The following NFIB variants were observed in gnomAD, a reference collection of about 807,000 sequenced individuals.
NFIB encodes the protein nuclear factor 1 B-type.
In NFIB, 11 loss-of-function variants were observed where a neutral mutation model predicts 61.5. That is an observed-to-expected ratio of 0.18 (90% CI 0.11 to 0.30). The LOEUF (loss-of-function observed/expected upper bound fraction) is 0.30. NFIB is among the 10% of genes least tolerant of loss of function. The pLI is 1.00. For missense variants in NFIB, 471 were observed against 608.9 expected (o/e 0.77, Z 2.38); for synonymous variants, 260 against 216.5 (o/e 1.20, Z -1.76).
In NFIB at chr9:14,307,110, A is replaced by T; in HGVS notation, c.441T>A (p.Asp147Glu). 1 of 1,614,158 alleles carries T rather than the reference A, an allele frequency of 6.2e-7. No individual in the cohort carries two copies. Among genetic ancestry groups the T allele is most frequent in the Non-Finnish European group, 8.5e-7 (1 of 1,180,024 alleles). Residue 147 changes from aspartate to glutamate, a missense_variant, in exon 2 of 11, where the codon GAT becomes GAA. By Grantham distance (45) the Asp-to-Glu change is conservative (BLOSUM62 2). Around this residue, in one of 2 missense-constraint regions of NFIB, gnomAD observed 99 missense variants for 213.3 expected, o/e 0.46. Coordinates refer to ENST00000380953, the MANE Select transcript of NFIB (RefSeq NM_001190737.2). The surrounding 1 kb of genome is among the most constrained non-coding windows in gnomAD (Gnocchi z 5.3). ...LFKGIPLEST[D>E]GERLMKSPHC... ...GTGGGGATTTCATGAGCCGCTCTCC[A>T]TCGGTACTTTCCAAGGGGATGCCTT...
Position 14,244,467 on chromosome 9 carries a change from A to G in NFIB, c.562+62522T>C, listed in dbSNP as rs376288886. On this transcript the variant is annotated intron_variant, in intron 2 of 10. Coordinates refer to ENST00000380953, the MANE Select transcript of NFIB (RefSeq NM_001190737.2). ...ACCCACATACTTTCTCATCCATGTA[A>G]GCAGGAAAGAATTACATTTCTTCTG... Among the ~76,000 whole-genome samples the G allele has an allele frequency of 1.4e-3, 216 of 152,306 alleles. 1 individual carries two copies. The highest frequency in any genetic ancestry group is 7.4e-4 in the Non-Finnish European group (50 of 68,026).
At chr9:14,170,871 C>A (rs922290235) in intron 3 of NFIB, among the ~76,000 whole-genome samples, 1 of 152,096 alleles carries the variant, frequency 6.6e-6, no homozygotes, top group South Asian at 2.1e-4. Context: ...TCTGTGCAAG[C>A]CCTCTTGGAA....
At chr9:14,148,529 T>C (rs2042533561) in intron 5 of NFIB, among the ~76,000 whole-genome samples, 1 of 152,220 alleles carries the variant, frequency 6.6e-6, no homozygotes, top group African/African-American at 2.4e-5. Flanking sequence ...GTTATAGGAT[T>C]TCAGCATTGA....
intron 2 of NFIB, among the ~76,000 whole-genome samples, chr9:14,235,519 A>G (rs1220013968): frequency 1.3e-5 from 2 of 152,210 alleles, no homozygotes; most frequent in Non-Finnish European, 2.9e-5. Context: ...TTCATGGGCT[A>G]TCATCTTGGT....
At chr9:14,268,875 T>G (rs567750146) in intron 2 of NFIB, among the ~76,000 whole-genome samples, 19 of 152,262 alleles carry the variant, frequency 1.2e-4, no homozygotes, top group African/African-American at 4.3e-4. Context: ...TTAGAAGTAC[T>G]AAAGAGATAT....
At chr9:14,372,955 T>A (rs1294063436) in intron 1 of NFIB, among the ~76,000 whole-genome samples, 1 of 148,562 alleles carries the variant, frequency 6.7e-6, no homozygotes. Flanking sequence ...AGCTTAGATA[T>A]GAGCAAGCAT....
At chr9:14,496,483 G>A in the NFIB span, among the ~76,000 whole-genome samples, 2 of 152,286 alleles carry the variant, frequency 1.3e-5, no homozygotes, top group East Asian at 1.9e-4. Context: ...GATGTTCAAC[G>A]TGTATTTAAT....
the NFIB span, among the ~76,000 whole-genome samples, chr9:14,517,419 G>A: frequency 6.6e-6 from 1 of 152,290 alleles, no homozygotes; most frequent in South Asian, 2.1e-4. Flanking sequence ...TGACACAGAT[G>A]GAATGCTGCT....
the NFIB span, among the ~76,000 whole-genome samples, chr9:14,427,947 T>G: frequency 2.0e-5 from 2 of 101,622 alleles, no homozygotes; most frequent in African/African-American, 7.9e-5. Context: ...GTTTTTTTTT[T>G]TTTTTTTTTT....
At chr9:14,134,897 CAAAAAAAAAAA>C (rs57014530) in intron 6 of NFIB, among the ~76,000 whole-genome samples, 3 of 64,344 alleles carry the variant, frequency 4.7e-5, no homozygotes, top group African/African-American at 9.3e-5. Context: ...GACTCTGTCT[CAAAAAAAAAAA>C]AAAAAAAAAA....
chr9:14,163,202 A>C (rs1162950209), intron 3 of NFIB, among the ~76,000 whole-genome samples: 2 of 152,086 alleles, frequency 1.3e-5, no homozygotes, highest in Non-Finnish European at 2.9e-5. Context: ...GAGAAAAGAA[A>C]ACACAATAAA....
At chr9:14,406,651 C>A in the NFIB span, among the ~76,000 whole-genome samples, 2 of 152,126 alleles carry the variant, frequency 1.3e-5, no homozygotes, top group African/African-American at 2.4e-5. Flanking sequence ...TCTCTCATAG[C>A]TAGGTGTGGT....
chr9:14,190,234 T>G (rs1200702570), intron 2 of NFIB, among the ~76,000 whole-genome samples: 1 of 152,196 alleles, frequency 6.6e-6, no homozygotes, highest in Non-Finnish European at 1.5e-5. Context: ...TATTAAATTA[T>G]GGCTCTTAAG....
At chr9:14,274,223 C>T (rs962075572) in intron 2 of NFIB, among the ~76,000 whole-genome samples, 1 of 135,602 alleles carries the variant, frequency 7.4e-6, no homozygotes, top group Non-Finnish European at 1.6e-5. Context: ...TGCTCTACCC[C>T]CTTTCTCTCT....
chr9:14,315,298 C>G (rs1372728165), upstream of NFIB, among the ~76,000 whole-genome samples: 2 of 151,244 alleles, frequency 1.3e-5, no homozygotes, highest in African/African-American at 4.8e-5. Context: ...GTTTGCCGCC[C>G]TCCCCGGGGG....
chr9:14,237,948 A>T (rs554027637), intron 2 of NFIB, among the ~76,000 whole-genome samples: 2 of 150,710 alleles, frequency 1.3e-5, no homozygotes, highest in Non-Finnish European at 3.0e-5. Context: ...CCTAACCCAC[A>T]TGAGGCTTAC....
At chr9:14,453,244 T>C in the NFIB span, among the ~76,000 whole-genome samples, 1 of 152,232 alleles carries the variant, frequency 6.6e-6, no homozygotes, top group Non-Finnish European at 1.5e-5. Context: ...GTGTGTAATG[T>C]ATAACAAACA....
At chr9:14,365,496 C>T (rs543898885) in intron 1 of NFIB, among the ~76,000 whole-genome samples, 2 of 152,196 alleles carry the variant, frequency 1.3e-5, no homozygotes, top group Non-Finnish European at 2.9e-5. Context: ...GTTTTCCCTG[C>T]CCTGTGGGAT....
At chr9:14,185,832 C>T (rs954718675) in intron 2 of NFIB, among the ~76,000 whole-genome samples, 1 of 152,186 alleles carries the variant, frequency 6.6e-6, no homozygotes, top group African/African-American at 2.4e-5. Flanking sequence ...TACTTCCCAA[C>T]TTCCTGAAGA....
Sources: gnomAD v4.1 joint callset for allele counts (sites outside exome capture counted in the v4.1 genomes callset) on GRCh38, gnomAD v4.1.1 for gene constraint, gnomAD v4.1.1 regional missense constraint, Gnocchi (gnomAD v3.1) non-coding constraint, MANE v1.5 for transcripts, NCBI Gene and HGNC (gene_info 2026-07-23, HGNC 2026-07-21) for gene names.